PAK1: variants seen among roughly 807,000 people sequenced by gnomAD.
The protein encoded by PAK1 is p21 (RAC1) activated kinase 1.
PAK1 carries 29 observed loss-of-function variants against 67.4 expected under a neutral mutation model. The observed-to-expected ratio is 0.43, with a 90% confidence interval of 0.32 to 0.59. PAK1 has a LOEUF of 0.59. PAK1 is among the 20% of genes least tolerant of loss of function. The pLI is 0.07. For missense variants in PAK1, 337 were observed against 670.7 expected (o/e 0.50, Z 5.50); for synonymous variants, 223 against 237.4 (o/e 0.94, Z 0.56).
the PAK1 span, among the ~76,000 whole-genome samples, chr11:77,527,572 A>G: frequency 1.3e-5 from 2 of 152,210 alleles, no homozygotes; most frequent in African/African-American, 4.8e-5. Context: ...AGAGGTAGTA[A>G]GTAGCAGACC....
intron 1 of PAK1, among the ~76,000 whole-genome samples, chr11:77,404,695 G>C (rs1031133753): frequency 6.6e-6 from 1 of 152,136 alleles, no homozygotes; most frequent in Non-Finnish European, 1.5e-5. Flanking sequence ...CAATGAAGGA[G>C]GTGTTCTTCC....
chr11:77,418,295 T>C (rs1461808206), intron 1 of PAK1, among the ~76,000 whole-genome samples: 2 of 152,212 alleles, frequency 1.3e-5, no homozygotes, highest in African/African-American at 4.8e-5. Flanking sequence ...TCAGTAATGA[T>C]GATCTAGCGT....
chr11:77,525,750 T>C, the PAK1 span, among the ~76,000 whole-genome samples: 2 of 152,222 alleles, frequency 1.3e-5, no homozygotes, highest in African/African-American at 4.8e-5. Flanking sequence ...TGGGACCAAT[T>C]GTACACCACA....
At chr11:77,490,329 T>C in the PAK1 span, among the ~76,000 whole-genome samples, 1 of 96,216 alleles carries the variant, frequency 1.0e-5, no homozygotes, top group African/African-American at 4.8e-5. Flanking sequence ...GGGAGGGAGG[T>C]GGGGGGGTCA....
the PAK1 span, among the ~76,000 whole-genome samples, chr11:77,498,628 T>C: frequency 6.6e-6 from 1 of 151,770 alleles, no homozygotes; most frequent in Non-Finnish European, 1.5e-5. Context: ...AAAGAATACA[T>C]GGTACATATT....
chr11:77,344,052 G>A (rs966042680), intron 9 of PAK1, 121 bp from the exon 10 acceptor site: 28 of 679,164 alleles, frequency 4.1e-5, no homozygotes, highest in African/African-American at 3.6e-4. Flanking sequence ...CTTAGCCCTC[G>A]AGTAATTCAC....
At chr11:77,376,706 C>T (rs1468554656) in intron 4 of PAK1, among the ~76,000 whole-genome samples, 1 of 140,630 alleles carries the variant, frequency 7.1e-6, no homozygotes, top group Non-Finnish European at 1.5e-5. Context: ...TGCTGCACTC[C>T]AGCCTGGGTG....
chr11:77,323,389 C>T, intron 14 of PAK1, 29 bp from the exon 15 acceptor site: 1 of 1,371,944 alleles, frequency 7.3e-7, no homozygotes, highest in Non-Finnish European at 1.0e-6. Context: ...GCAAAAGACA[C>T]ATGACTATTT....
chr11:77,455,181 A>G lies in PAK1; in HGVS notation c.-22+18371T>C, dbSNP rs539719376. Among the ~76,000 whole-genome samples the G allele has an allele frequency of 3.9e-5, 6 of 152,308 alleles. No individual in the cohort carries two copies. In the East Asian group the frequency reaches 1.2e-3, roughly 29 times the overall value. On this transcript the variant is annotated intron_variant, in intron 1 of 14. Coordinates refer to ENST00000356341, the MANE Select transcript of PAK1 (RefSeq NM_002576.5). ...TTCTGTTTACCGAATTCCAAATGAT[A>G]CACAATTTGGTACTAGAAGAGGGTA...
intron 4 of PAK1, among the ~76,000 whole-genome samples, chr11:77,378,785 G>C (rs1410448422): frequency 6.6e-6 from 1 of 152,014 alleles, no homozygotes; most frequent in Non-Finnish European, 1.5e-5. Flanking sequence ...ACAGGGTTTT[G>C]CCACGTTGCC....
chr11:77,448,704 G>A (rs1220797046), intron 1 of PAK1, among the ~76,000 whole-genome samples: 1 of 152,198 alleles, frequency 6.6e-6, no homozygotes, highest in African/African-American at 2.4e-5. Context: ...CAGCAATAGT[G>A]TGAAAACTTA....
chr11:77,388,628 C>T (rs1276288475), intron 2 of PAK1, among the ~76,000 whole-genome samples: 2 of 152,240 alleles, frequency 1.3e-5, no homozygotes, highest in African/African-American at 4.8e-5. Flanking sequence ...GGTGGGATTA[C>T]AGGCATGAGC....
chr11:77,336,420 C>G (rs936642407), intron 12 of PAK1, 138 bp from the exon 13 acceptor site: 1 of 541,784 alleles, frequency 1.8e-6, no homozygotes, highest in African/African-American at 1.9e-5. Flanking sequence ...TCCAAAGTCA[C>G]TTGACTACCA....
At chr11:77,406,503 G>A (rs1424763932) in intron 1 of PAK1, among the ~76,000 whole-genome samples, 4 of 152,222 alleles carry the variant, frequency 2.6e-5, no homozygotes, top group Non-Finnish European at 1.5e-5. Flanking sequence ...AAAGCCAGGT[G>A]CAGTGGCTCA....
rs1450639164 is a variant in PAK1, at chr11:77,323,156, T to C, written c.*118A>G. 6 of 1,553,584 alleles carry C rather than the reference T, an allele frequency of 3.9e-6. No homozygotes were observed. The East Asian group carries it at 1.4e-4, about 37-fold the overall frequency. On this transcript the variant is annotated 3_prime_UTR_variant, in exon 15 of 15. Coordinates refer to ENST00000356341, the MANE Select transcript of PAK1 (RefSeq NM_002576.5). ...CAAGGATCAAAGTCTTGAGGAGTGC[T>C]AGATCAGGAAATGGGAGAAGCAAGG...
the PAK1 span, among the ~76,000 whole-genome samples, chr11:77,500,092 T>C: frequency 2.6e-5 from 4 of 152,190 alleles, no homozygotes; most frequent in Non-Finnish European, 1.5e-5. Flanking sequence ...TTCATAAAAA[T>C]GAAAATTCAC....
the PAK1 span, among the ~76,000 whole-genome samples, chr11:77,500,805 C>T: frequency 6.6e-6 from 1 of 152,134 alleles, no homozygotes; most frequent in Non-Finnish European, 1.5e-5. Flanking sequence ...GTTCACACCA[C>T]TGCACTCCAG....
At chr11:77,355,567 C>T (rs1387836548) in intron 7 of PAK1, 101 bp downstream of exon 7, 10 of 927,796 alleles carry the variant, frequency 1.1e-5, no homozygotes, top group Non-Finnish European at 1.5e-5. Context: ...AGGTACCAAG[C>T]ATGGCCAGCC....
At chr11:77,485,095 C>T in the PAK1 span, among the ~76,000 whole-genome samples, 1 of 152,136 alleles carries the variant, frequency 6.6e-6, no homozygotes, top group African/African-American at 2.4e-5. Context: ...GTCCTTCCCA[C>T]ATCACTTGGG....
Sources: gnomAD v4.1 joint callset for allele counts (sites outside exome capture counted in the v4.1 genomes callset) on GRCh38, gnomAD v4.1.1 for gene constraint, MANE v1.5 for transcripts, NCBI Gene and HGNC (gene_info 2026-07-23, HGNC 2026-07-21) for gene names.